PEBP4: variants seen among roughly 807,000 people sequenced by gnomAD.
The protein encoded by PEBP4 is phosphatidylethanolamine binding protein 4.
In PEBP4, 22 loss-of-function variants were observed where a neutral mutation model predicts 23.9. The ratio of observed to expected loss-of-function variants is 0.92; its 90% CI spans 0.66 to 1.31. The LOEUF (loss-of-function observed/expected upper bound fraction) is 1.31. Among genes scored for constraint, PEBP4 ranks in the 40% most tolerant of loss-of-function variants. The pLI, the probability that PEBP4 is intolerant of heterozygous loss-of-function variation, is 0.00. For missense variants in PEBP4, 324 were observed against 281.7 expected, an observed-to-expected ratio of 1.15 and a Z score of -1.07; for synonymous variants, 112 against 99.3, an observed-to-expected ratio of 1.13 and a Z score of -0.76.
intron 3 of PEBP4, among the ~76,000 whole-genome samples, chr8:22,853,917 T>C (rs1422059391): frequency 6.6e-6 from 1 of 152,198 alleles, no homozygotes; most frequent in Non-Finnish European, 1.5e-5. Flanking sequence ...TGCTTATTGT[T>C]TTTGATAAAC....
At chr8:22,883,678 A>C (rs111747847) in intron 3 of PEBP4, among the ~76,000 whole-genome samples, 1 of 152,110 alleles carries the variant, frequency 6.6e-6, no homozygotes, top group Non-Finnish European at 1.5e-5. Flanking sequence ...GGACAGCCTC[A>C]CATTTGGTTT....
chr8:22,817,580 G>T, intron 4 of PEBP4, 57 bp downstream of exon 4: 1 of 1,503,630 alleles, frequency 6.7e-7, no homozygotes. Context: ...TGCACTGAAT[G>T]ATAATCTTCC....
chr8:22,721,052 G>T (rs1585235245), intron 6 of PEBP4, among the ~76,000 whole-genome samples: 1 of 152,080 alleles, frequency 6.6e-6, no homozygotes, highest in East Asian at 1.9e-4. Context: ...AGCTAGAAGT[G>T]GGGTAGCTCT....
At chr8:22,909,824 G>A (rs188610119) in intron 3 of PEBP4, among the ~76,000 whole-genome samples, 132 of 152,334 alleles carry the variant, frequency 8.7e-4, no homozygotes, top group African/African-American at 2.9e-3. Context: ...GTGGCTGCAA[G>A]GCTTAAGTCT....
chr8:22,939,786 A>C (rs1470321680), intron 1 of PEBP4, among the ~76,000 whole-genome samples: 1 of 151,664 alleles, frequency 6.6e-6, no homozygotes, highest in Non-Finnish European at 1.5e-5. Flanking sequence ...CCCTTCCCTC[A>C]CCCCTCCATT....
chr8:22,821,707 C>T (rs996347564), intron 3 of PEBP4, among the ~76,000 whole-genome samples: 3 of 151,266 alleles, frequency 2.0e-5, no homozygotes, highest in East Asian at 1.9e-4. Flanking sequence ...TGAGGAGGGC[C>T]GGGTGCGGTG....
chr8:22,925,219 A>G (rs903924185), intron 2 of PEBP4: 1 of 985,306 alleles, frequency 1.0e-6, no homozygotes, highest in African/African-American at 1.7e-5. Flanking sequence ...ATCAAAAGAC[A>G]TCTTCCTGGC....
chr8:22,718,775 G>A (rs1004695377), intron 6 of PEBP4, among the ~76,000 whole-genome samples: 4 of 152,152 alleles, frequency 2.6e-5, no homozygotes, highest in African/African-American at 7.2e-5. Flanking sequence ...CTGTGTGTGC[G>A]CTGGTGGGGG....
At chr8:22,719,049 T>G in intron 6 of PEBP4, among the ~76,000 whole-genome samples, 1 of 151,800 alleles carries the variant, frequency 6.6e-6, no homozygotes, top group East Asian at 1.9e-4. Context: ...CAACCCCCTA[T>G]GTGGCAAGTC....
At chr8:22,890,088 G>A (rs1171036466) in intron 3 of PEBP4, among the ~76,000 whole-genome samples, 2 of 152,202 alleles carry the variant, frequency 1.3e-5, no homozygotes, top group African/African-American at 4.8e-5. Flanking sequence ...ACTCTCAACA[G>A]GCACAGAGAC....
In PEBP4 at chr8:22,906,012, TG is replaced by T. The variant is rs567794699; in HGVS notation, c.258+14171del. Among the ~76,000 whole-genome samples, 499 of 152,236 alleles carry T rather than the reference TG, an allele frequency of 3.3e-3. 1 individual carries two copies. The highest frequency in any genetic ancestry group is 4.4e-3 in the Non-Finnish European group (302 of 67,998). On this transcript the variant is annotated intron_variant, in intron 3 of 6. Transcript: ENST00000256404. ...ATTACCCATCACTCTATTTGCAAGA[TG>T]AAGAGTTTGAGGCAGCCGCTGACAT... is the stretch of plus-strand genomic sequence containing the variant.
chr8:22,935,460 A>T (rs1809524383), intron 1 of PEBP4, among the ~76,000 whole-genome samples: 1 of 152,204 alleles, frequency 6.6e-6, no homozygotes, highest in African/African-American at 2.4e-5. Flanking sequence ...CAGGAGGCAG[A>T]GGTTGCAGTG....
intron 4 of PEBP4, among the ~76,000 whole-genome samples, chr8:22,763,018 T>G (rs866611066): frequency 6.6e-6 from 1 of 152,126 alleles, no homozygotes; most frequent in Non-Finnish European, 1.5e-5. Flanking sequence ...GTCTTTTTTT[T>G]TTTTGAGATC....
At chr8:22,755,986 C>T (rs1805372385) in intron 4 of PEBP4, 1 of 152,220 alleles carries the variant, frequency 6.6e-6, no homozygotes, top group Non-Finnish European at 1.5e-5. Flanking sequence ...CCTGCAATGC[C>T]TCCAACGGGG....
intron 4 of PEBP4, among the ~76,000 whole-genome samples, chr8:22,776,624 G>A (rs541439944): frequency 3.3e-5 from 5 of 151,848 alleles, no homozygotes; most frequent in Non-Finnish European, 4.4e-5. Context: ...TCTTGATGCT[G>A]TTTCTCTCCC....
chr8:22,742,259 A>G (rs1383567940), intron 4 of PEBP4, among the ~76,000 whole-genome samples: 1 of 152,236 alleles, frequency 6.6e-6, no homozygotes, highest in Non-Finnish European at 1.5e-5. Flanking sequence ...TGCAAACGAC[A>G]GCTGATTAAT....
chr8:22,795,595 T>A (rs1806235999), intron 4 of PEBP4, among the ~76,000 whole-genome samples: 1 of 152,206 alleles, frequency 6.6e-6, no homozygotes, highest in Non-Finnish European at 1.5e-5. Flanking sequence ...AGGGTGCACT[T>A]TAGAATCACC....
At chr8:22,901,397 T>C (rs1808706759) in intron 3 of PEBP4, among the ~76,000 whole-genome samples, 1 of 152,168 alleles carries the variant, frequency 6.6e-6, no homozygotes, top group South Asian at 2.1e-4. Context: ...GGGATTCAGT[T>C]GTGAGGATGA....
intron 3 of PEBP4, among the ~76,000 whole-genome samples, chr8:22,914,054 C>A (rs2128779477): frequency 6.8e-6 from 1 of 147,434 alleles, no homozygotes; most frequent in Non-Finnish European, 1.5e-5. Context: ...GTGGCGCGAT[C>A]TAGGCTCACT....
Sources: allele counts gnomAD v4.1 joint callset (sites outside exome capture counted in the v4.1 genomes callset), GRCh38; gene constraint gnomAD v4.1.1; transcripts MANE v1.5; gene names NCBI Gene and HGNC (gene_info 2026-07-23, HGNC 2026-07-21).